Variants in SEMA5B observed in about 807,000 individuals in gnomAD.
The protein encoded by SEMA5B is semaphorin 5B, also known as semaphorin-5B.
Under a neutral mutation model 135.0 loss-of-function variants are expected in SEMA5B, and 66 were observed. The observed-to-expected ratio is 0.49, with a 90% CI of 0.40 to 0.60. SEMA5B has a LOEUF of 0.60. SEMA5B is among the 20% of genes least tolerant of loss of function. The pLI is 0.00. For missense variants in SEMA5B, 1,501 were observed against 1,566.3 expected, an observed-to-expected ratio of 0.96 and a Z score of 0.70; for synonymous variants, 690 against 639.5, an observed-to-expected ratio of 1.08 and a Z score of -1.19.
rs1209686184 is a variant in SEMA5B at position 122,913,916 on chromosome 3, T to G, written c.2074A>C (p.Ser692Arg). 2.5e-6 allele frequency: 4 copies of G among 1,612,860 alleles called. No individual in the cohort carries two copies. Among genetic ancestry groups the G allele is most frequent in the Non-Finnish European group, 3.4e-6 (4 of 1,179,886 alleles). Reference sequence around the variant, plus strand: ...CCCCCGTGGCGGGGAGCAGGGTTGCTGCAACTTCGCTGGCGGACCTGGAAG... The same window carrying G: ...CCCCCGTGGCGGGGAGCAGGGTTGCGGCAACTTCGCTGGCGGACCTGGAAG... ...IGFQVRQRSCSNPAPRHGGRI... is the reference protein window; with the variant it reads ...IGFQVRQRSCRNPAPRHGGRI... The change falls in exon 15 of 23, where the codon AGC (serine) becomes CGC (arginine). Residue 692 changes from serine to arginine, a missense_variant. Around this residue, in one of 2 missense-constraint regions of SEMA5B, gnomAD observed 927 missense variants for 881.6 expected, o/e 1.05. Transcript: ENST00000357599.
intron 1 of SEMA5B, among the ~76,000 whole-genome samples, chr3:123,017,173 C>A (rs919459874): frequency 2.6e-5 from 4 of 152,030 alleles, no homozygotes; most frequent in Non-Finnish European, 5.9e-5. Context: ...CAGGCATGAG[C>A]CCCCGCGCCT....
Position 122,961,004 on chromosome 3 carries a change from G to T in SEMA5B, c.124+136C>A, listed in dbSNP as rs186324750. 95 of 907,746 alleles carry T rather than the reference G, an allele frequency of 1.0e-4. No homozygotes were observed. In the African/African-American group the frequency reaches 1.4e-3, roughly 13 times the overall value. The allele number at this position is 907,746 out of a possible 1,614,324, so 56.2% of individuals were successfully genotyped here. A position where few individuals can be genotyped will look rare whatever the true frequency, so the allele number is the denominator to read the frequency against. On this transcript the variant is annotated intron_variant, in intron 2 of 22. Transcript: ENST00000357599. Reference sequence around the variant, plus strand: ...ATATGTTACCACAATTTTTAAAAAGGAAGAGCTGCTCAAATACAGTGGACT... The same window carrying T: ...ATATGTTACCACAATTTTTAAAAAGTAAGAGCTGCTCAAATACAGTGGACT...
chr3:123,019,416 C>T (rs545972436), intron 1 of SEMA5B, among the ~76,000 whole-genome samples: 8 of 151,996 alleles, frequency 5.3e-5, no homozygotes, highest in African/African-American at 1.9e-4. Flanking sequence ...GGTAGAAACC[C>T]CGTCTCTACA....
chr3:122,922,642 C>A lies in SEMA5B; in HGVS notation c.1273-195G>T, dbSNP rs759488071. 2.9e-4 allele frequency among the ~76,000 whole-genome samples: 44 copies of A among 152,220 alleles called. No individual in the cohort carries two copies. The highest frequency in any genetic ancestry group is 5.4e-4 in the Non-Finnish European group (37 of 68,040). On this transcript the variant is annotated intron_variant, in intron 10 of 22. Transcript: ENST00000357599. ...ATGCCTCTTCTTTGGGAACTAAGAA[C>A]AGGAGACTGGGGAGATGGGGAAGGA...
rs544079241 is a variant in SEMA5B, at chr3:122,985,340, T to A, written c.-38-24039A>T. On this transcript the variant is annotated intron_variant, in intron 1 of 22. Transcript: ENST00000357599. ...AGACCCTGTCTCTAAATTAAAAAAA[T>A]TTTTTTTAAGAAATTAGCCCAGCAG... Among the ~76,000 whole-genome samples, 131 of 151,982 alleles carry A rather than the reference T, an allele frequency of 8.6e-4. 2 individuals carry two copies. The East Asian group carries it at 0.011, about 13-fold the overall frequency.
intron 2 of SEMA5B, among the ~76,000 whole-genome samples, chr3:122,958,911 A>G (rs558664986): frequency 3.9e-5 from 6 of 152,130 alleles, no homozygotes; most frequent in Non-Finnish European, 7.4e-5. Flanking sequence ...CATGTGTGTC[A>G]TGAGTGTTCC....
intron 1 of SEMA5B, among the ~76,000 whole-genome samples, chr3:122,990,099 C>T (rs1400005564): frequency 6.6e-6 from 1 of 152,166 alleles, no homozygotes; most frequent in Non-Finnish European, 1.5e-5. Flanking sequence ...CAAAGCCCAG[C>T]AGGCTGATTA....
In SEMA5B at chr3:122,910,517, A is replaced by G. The variant is rs528249365; in HGVS notation, c.3298-216T>C. 2.9e-4 allele frequency among the ~76,000 whole-genome samples: 44 copies of G among 152,322 alleles called. 1 individual carries two copies. The highest frequency in any genetic ancestry group is 5.3e-4 in the Non-Finnish European group (36 of 68,014). On this transcript the variant is annotated intron_variant, in intron 22 of 22. Transcript: ENST00000357599. ...TCCTACCCTGCCCTCTGCTTCTACA[A>G]GAAGGCTCCCGGCCGGGCGCGGTGG...
intron 3 of SEMA5B, among the ~76,000 whole-genome samples, chr3:122,944,819 G>A (rs1939712477): frequency 6.6e-6 from 1 of 152,186 alleles, no homozygotes; most frequent in Admixed American, 6.5e-5. Context: ...CTCTCCCTCA[G>A]CCTATGCATG....
At chr3:122,936,457 T>C (rs11716045) in intron 5 of SEMA5B, among the ~76,000 whole-genome samples, 38,328 of 152,110 alleles carry the variant, frequency 0.25, 4,883 homozygotes, top group East Asian at 0.33. Context: ...TTGCCCTCCA[T>C]GTCTGCCCAG....
intron 1 of SEMA5B, among the ~76,000 whole-genome samples, chr3:122,965,793 A>G (rs1420464191): frequency 6.6e-6 from 1 of 152,250 alleles, no homozygotes. Flanking sequence ...TAAAGTGAAG[A>G]GCAGACATGC....
chr3:123,003,235 C>G (rs1942226100), intron 1 of SEMA5B, among the ~76,000 whole-genome samples: 1 of 152,144 alleles, frequency 6.6e-6, no homozygotes, highest in African/African-American at 2.4e-5. Context: ...AAACATAAAA[C>G]CACCTTTGGA....
At chr3:122,962,798 T>C (rs1043391711) in intron 1 of SEMA5B, among the ~76,000 whole-genome samples, 1 of 152,202 alleles carries the variant, frequency 6.6e-6, no homozygotes, top group African/African-American at 2.4e-5. Flanking sequence ...ACTGGGGTGA[T>C]GGGCTCAGAC....
At chr3:122,991,557 A>G (rs1941877528) in intron 1 of SEMA5B, among the ~76,000 whole-genome samples, 1 of 152,206 alleles carries the variant, frequency 6.6e-6, no homozygotes, top group South Asian at 2.1e-4. Flanking sequence ...ATCAAGAATT[A>G]TCCATCTCCA....
At chr3:122,995,714 G>A (rs1481892308) in intron 1 of SEMA5B, among the ~76,000 whole-genome samples, 2 of 152,184 alleles carry the variant, frequency 1.3e-5, no homozygotes, top group African/African-American at 4.8e-5. Context: ...AGGAGGTTTG[G>A]GTTCTCGTCC....
intron 5 of SEMA5B, among the ~76,000 whole-genome samples, chr3:122,931,561 C>CAAT (rs1016734404): frequency 5.9e-5 from 9 of 152,136 alleles, no homozygotes; most frequent in African/African-American, 2.2e-4. Context: ...TATCATATAT[C>CAAT]AATCTTGGCA....
chr3:122,955,474 C>T lies in SEMA5B; in HGVS notation c.124+5666G>A, dbSNP rs191158780. Among the ~76,000 whole-genome samples, 231 of 152,312 alleles carry T rather than the reference C, an allele frequency of 1.5e-3. 3 individuals are homozygous for T. The Middle Eastern group carries it at 0.027, about 18-fold the overall frequency. ...CAATTATATTAACTAAATATAATTC[C>T]TATCCCATACAGTTTGGTTTCTCAT... On this transcript the variant is annotated intron_variant, in intron 2 of 22. Coordinates refer to ENST00000357599, the MANE Select transcript of SEMA5B (RefSeq NM_001031702.4).
intron 1 of SEMA5B, among the ~76,000 whole-genome samples, chr3:122,970,082 C>T (rs1560386270): frequency 6.6e-6 from 1 of 152,198 alleles, no homozygotes; most frequent in South Asian, 2.1e-4. Flanking sequence ...AGAAACCACA[C>T]TTGCCCCTGA....
intron 12 of SEMA5B, among the ~76,000 whole-genome samples, chr3:122,917,338 G>A (rs58575446): frequency 0.26 from 39,363 of 152,162 alleles, 6,449 homozygotes; most frequent in Non-Finnish European, 0.38. Context: ...CTGGCGGGGA[G>A]TTCACAACAT....
Sources: allele counts gnomAD v4.1 joint callset (sites outside exome capture counted in the v4.1 genomes callset), GRCh38; gene constraint gnomAD v4.1.1; regional missense constraint gnomAD v4.1.1; transcripts MANE v1.5; gene names NCBI Gene and HGNC (gene_info 2026-07-23, HGNC 2026-07-21).